The following B4GALT4 variants were observed in gnomAD, a reference collection of about 807,000 sequenced individuals.
B4GALT4 encodes the protein N-acetyllactosamine synthase.
B4GALT4 carries 27 observed loss-of-function variants against 37.3 expected under a neutral mutation model. That is an observed-to-expected ratio of 0.72 (90% CI 0.53 to 1.00). The LOEUF is 1.00. Ranked by LOEUF, B4GALT4 falls within the 50% of genes least tolerant of loss-of-function variation. The probability of loss-of-function intolerance (pLI) is 0.00; values close to 1 mark genes in which losing one functional copy is unlikely to be tolerated. For missense variants in B4GALT4, 372 were observed against 413.1 expected, an observed-to-expected ratio of 0.90 and a Z score of 0.86; for synonymous variants, 148 against 154.1, an observed-to-expected ratio of 0.96 and a Z score of 0.29.
chr3:119,237,212 C>T (rs2079009876), intron 1 of B4GALT4, 142 bp from the exon 2 acceptor site: 1 of 152,196 alleles, frequency 6.6e-6, no homozygotes, highest in Non-Finnish European at 1.5e-5. Flanking sequence ...CCCTAAGAAA[C>T]CAACAGTGGA....
chr3:119,220,856 C>T (rs776761650), intron 5 of B4GALT4, among the ~76,000 whole-genome samples: 3 of 152,060 alleles, frequency 2.0e-5, no homozygotes, highest in Non-Finnish European at 2.9e-5. Context: ...CGTGGTGGCA[C>T]GTGCCTGTAG....
chr3:119,235,104 G>A (rs1243108821), intron 2 of B4GALT4: 3 of 152,158 alleles, frequency 2.0e-5, no homozygotes, highest in African/African-American at 4.8e-5. Context: ...GAAACAAGAC[G>A]GATAAAATAC....
chr3:119,216,183 T>C (rs552071129), intron 7 of B4GALT4, 57 bp downstream of exon 7: 332 of 1,366,438 alleles, frequency 2.4e-4, no homozygotes, highest in Non-Finnish European at 3.1e-4. Flanking sequence ...AACATAGTCC[T>C]TATTGACAGA....
rs2078763815 is a variant in B4GALT4 at position 119,230,228 on chromosome 3, A to T, written c.-129T>A. The T allele has an allele frequency of 4.9e-6, 6 of 1,216,884 alleles. No individual in the cohort carries two copies. The highest frequency in any genetic ancestry group is 6.9e-6 in the Non-Finnish European group (6 of 869,274). The allele number at this position is 1,216,884 out of a possible 1,614,324, so 75.4% of individuals were successfully genotyped here. ...GATACAATGCCTGGTTTTTCTCAGT[A>T]GTTCTGCTCCAACAGTCTAAAACGC... On this transcript the variant is annotated 5_prime_UTR_variant, in exon 3 of 8. Transcript: ENST00000393765.
At position 119,236,988 on chromosome 3, in the gene B4GALT4, C is replaced by A. The variant is rs546410383; in HGVS notation, c.-281G>T. 6.6e-6 allele frequency: 1 copy of A among 152,126 alleles called. No individual in the cohort carries two copies. The allele number at this position is 152,126 out of a possible 1,614,324, so 9.4% of individuals were successfully genotyped here. On this transcript the variant is annotated 5_prime_UTR_variant, in exon 2 of 8. Transcript: ENST00000393765. ...TTCATGAAGCCACAAAGTGCCACTG[C>A]GTGAGTTCCGTGGCACATTGGAACA... is the stretch of plus-strand genomic sequence containing the variant.
At chr3:119,222,388 A>G (rs2001286) in intron 5 of B4GALT4, among the ~76,000 whole-genome samples, 16,486 of 151,414 alleles carry the variant, frequency 0.11, 1,026 homozygotes, top group East Asian at 0.24. Context: ...TCCCCAAAGA[A>G]AAAAATCATG....
chr3:119,234,641 G>A (rs1398719431), intron 2 of B4GALT4, among the ~76,000 whole-genome samples: 3 of 152,130 alleles, frequency 2.0e-5, no homozygotes. Flanking sequence ...AGTGACTCCT[G>A]GTTGGTGTTT....
chr3:119,232,746 TTTTAA>T (rs1223211037), intron 2 of B4GALT4, among the ~76,000 whole-genome samples: 1 of 152,192 alleles, frequency 6.6e-6, no homozygotes, highest in Non-Finnish European at 1.5e-5. Flanking sequence ...GATTGGCAAT[TTTTAA>T]AATAAGGATC....
intron 1 of B4GALT4, among the ~76,000 whole-genome samples, chr3:119,237,274 T>TTCC (rs72585482): frequency 4.8e-4 from 73 of 151,946 alleles, no homozygotes; most frequent in African/African-American, 1.7e-3. Context: ...ACCGTAAACC[T>TTCC]TAAAAAGGTT....
At chr3:119,233,241 A>T (rs766102973) in intron 2 of B4GALT4, 4 of 152,228 alleles carry the variant, frequency 2.6e-5, no homozygotes, top group Non-Finnish European at 4.4e-5. Context: ...AAGACCACAC[A>T]TCCACCTCCC....
At position 119,212,151 on chromosome 3, in the gene B4GALT4, G is replaced by A. The variant is rs1399055746; in HGVS notation, c.*398C>T. ...ATCTTCGTACCTTTCTACCTTGGAC[G>A]AGAACAACTCTGGTTCTCTCAGACA... is the stretch of plus-strand genomic sequence containing the variant. On this transcript the variant is annotated 3_prime_UTR_variant, in exon 8 of 8. Coordinates refer to ENST00000393765, the MANE Select transcript of B4GALT4 (RefSeq NM_003778.4). 5 of 702,972 alleles carry A rather than the reference G, an allele frequency of 7.1e-6. No homozygotes were observed. The highest frequency in any genetic ancestry group is 1.5e-5 in the South Asian group (1 of 67,592). The allele number at this position is 702,972 out of a possible 1,614,324, so 43.5% of individuals were successfully genotyped here.
chr3:119,219,070 T>C (rs1283011133), intron 5 of B4GALT4, among the ~76,000 whole-genome samples: 3 of 152,138 alleles, frequency 2.0e-5, no homozygotes, highest in African/African-American at 7.2e-5. Context: ...CCATCAGATA[T>C]TGATAAGATT....
intron 2 of B4GALT4, among the ~76,000 whole-genome samples, chr3:119,235,864 T>C (rs1245397181): frequency 6.6e-6 from 1 of 152,128 alleles, no homozygotes; most frequent in Non-Finnish European, 1.5e-5. Context: ...ATAAAGTGAC[T>C]ATCCACTAGT....
intron 7 of B4GALT4, chr3:119,215,956 T>C (rs1479575659): frequency 4.7e-6 from 1 of 211,508 alleles, no homozygotes; most frequent in Non-Finnish European, 9.3e-6. Context: ...TAAGAATACA[T>C]ACTGAAGCAG....
intron 6 of B4GALT4, 116 bp from the exon 7 acceptor site, chr3:119,216,460 ACACACACACACAGTGT>A: frequency 5.7e-5 from 29 of 510,224 alleles, no homozygotes; most frequent in South Asian, 2.4e-4. Flanking sequence ...ACACACACAC[ACACACACACACAGTGT>A]CACAAACAGC....
At chr3:119,220,548 A>G (rs1293790686) in intron 5 of B4GALT4, among the ~76,000 whole-genome samples, 2 of 152,230 alleles carry the variant, frequency 1.3e-5, no homozygotes, top group African/African-American at 4.8e-5. Context: ...GGGGCCTGGA[A>G]GGATTCAAAT....
rs2078537111 is a variant in B4GALT4, at chr3:119,224,350, G to GAC, written c.487-106_487-105insGT. The GAC allele has an allele frequency of 8.3e-6, 6 of 722,338 alleles. No individual in the cohort carries two copies. In the South Asian group the frequency reaches 9.0e-5, roughly 11 times the overall value. 44.7% of individuals were successfully genotyped at this position (722,338 alleles called of 1,614,324 possible). On this transcript the variant is annotated intron_variant, in intron 4 of 7. Transcript: ENST00000393765. ...GATGGTATTATTCTAATTATTCTAC[G>GAC]CACGAGACTACACTTGTGACATAAA...
chr3:119,213,789 C>T (rs1427556455), intron 7 of B4GALT4: 1 of 151,976 alleles, frequency 6.6e-6, no homozygotes, highest in African/African-American at 2.4e-5. Flanking sequence ...TGTATCTACT[C>T]AATAATTAAT....
intron 4 of B4GALT4, 109 bp downstream of exon 4, chr3:119,226,700 G>T: frequency 2.2e-6 from 2 of 903,764 alleles, no homozygotes; most frequent in Non-Finnish European, 3.3e-6. Flanking sequence ...ACTCGTTTTT[G>T]ATGATAGTCT....
Sources: gnomAD v4.1 joint callset for allele counts (sites outside exome capture counted in the v4.1 genomes callset) on GRCh38, gnomAD v4.1.1 for gene constraint, MANE v1.5 for transcripts, NCBI Gene and HGNC (gene_info 2026-07-23, HGNC 2026-07-21) for gene names.